Variants in IL1RAPL1 observed in about 807,000 individuals in gnomAD.
The protein encoded by IL1RAPL1 is interleukin-1 receptor accessory protein-like 1.
Under a neutral mutation model 48.4 loss-of-function variants are expected in IL1RAPL1, and 3 were observed. That is an observed-to-expected ratio of 0.06 (90% confidence interval 0.03 to 0.16). The LOEUF (loss-of-function observed/expected upper bound fraction) is 0.16, where lower values mean the gene tolerates loss of function less well. IL1RAPL1 is among the 10% of genes least tolerant of loss of function. The pLI is 1.00. For synonymous variants in IL1RAPL1, 185 were observed against 187.7 expected, an observed-to-expected ratio of 0.99 and a Z score of 0.12; for missense variants, 349 against 530.6, an observed-to-expected ratio of 0.66 and a Z score of 3.36.
chrX:28,630,729 G>T (rs908385875), intron 1 of IL1RAPL1, among the ~76,000 whole-genome samples: 4 of 112,451 alleles, frequency 3.6e-5, no homozygotes, highest in African/African-American at 1.3e-4. Flanking sequence ...GATTTCAGAT[G>T]TATAGGAGGT....
chrX:29,953,584 T>C (rs986777111), intron 9 of IL1RAPL1, among the ~76,000 whole-genome samples: 1 of 111,931 alleles, frequency 8.9e-6, no homozygotes, highest in Admixed American at 9.5e-5. Flanking sequence ...CTGATTAGCA[T>C]GATGAAAAAT....
intron 2 of IL1RAPL1, among the ~76,000 whole-genome samples, chrX:28,846,465 T>C (rs1334561292): frequency 9.0e-6 from 1 of 111,705 alleles, no homozygotes; most frequent in Non-Finnish European, 1.9e-5. Context: ...CTGAGTCATA[T>C]GGTAAGAGCA....
At chrX:29,802,871 A>G (rs867308594) in intron 6 of IL1RAPL1, among the ~76,000 whole-genome samples, 21 of 86,479 alleles carry the variant, frequency 2.4e-4, no homozygotes, top group African/African-American at 9.1e-4. Context: ...GTACATATGT[A>G]TACATATATG....
At chrX:29,176,437 T>G (rs1395238928) in intron 2 of IL1RAPL1, among the ~76,000 whole-genome samples, 2 of 109,301 alleles carry the variant, frequency 1.8e-5, no homozygotes, top group African/African-American at 6.7e-5. Flanking sequence ...GAACCACACT[T>G]TGAGAACCCT....
Position 29,333,671 on chromosome X carries a change from C to A in IL1RAPL1, c.362+50454C>A, listed in dbSNP as rs1302658527. Among the ~76,000 whole-genome samples the A allele has an allele frequency of 6.2e-5, 5 of 80,642 alleles. No homozygotes were observed. The East Asian group carries it at 1.9e-3, about 31-fold the overall frequency. The allele number at this position is 80,642 out of a possible 115,157, so 70.0% of individuals were successfully genotyped here. A position where few individuals can be genotyped will look rare whatever the true frequency, so the allele number is the denominator to read the frequency against. ...GTAGGGGCGGCCGGGCAGAGGCGCCCCTCACCTCCCGGACTGGGTGGCTGG... is the reference window on the plus strand; with the variant it reads ...GTAGGGGCGGCCGGGCAGAGGCGCCACTCACCTCCCGGACTGGGTGGCTGG... On this transcript the variant is annotated intron_variant, in intron 3 of 10. Transcript: ENST00000378993.
chrX:28,873,618 G>A (rs1159985780), intron 2 of IL1RAPL1, among the ~76,000 whole-genome samples: 1 of 95,810 alleles, frequency 1.0e-5, no homozygotes, highest in East Asian at 3.4e-4. Flanking sequence ...TGCAAGTTCC[G>A]CCTCCGGGGT....
At chrX:29,930,468 T>C (rs1438870193) in intron 8 of IL1RAPL1, among the ~76,000 whole-genome samples, 1 of 111,867 alleles carries the variant, frequency 8.9e-6, no homozygotes, top group Non-Finnish European at 1.9e-5. Flanking sequence ...ATCAATTACC[T>C]ATGTTAAGGC....
intron 6 of IL1RAPL1, among the ~76,000 whole-genome samples, chrX:29,702,566 A>C (rs1015437719): frequency 1.8e-5 from 2 of 112,029 alleles, no homozygotes; most frequent in African/African-American, 6.5e-5. Flanking sequence ...GTGACCCATT[A>C]TAAGGTGTAT....
intron 6 of IL1RAPL1, among the ~76,000 whole-genome samples, chrX:29,787,684 C>T (rs1929532146): frequency 8.9e-6 from 1 of 111,756 alleles, no homozygotes; most frequent in South Asian, 3.8e-4. Context: ...CGTTTCTTTA[C>T]CATTAAGACC....
intron 1 of IL1RAPL1, among the ~76,000 whole-genome samples, chrX:28,685,621 A>G (rs933402605): frequency 2.7e-5 from 3 of 112,010 alleles, no homozygotes; most frequent in South Asian, 3.7e-4. Context: ...TTAATCTGAT[A>G]GTATAAGGTT....
intron 2 of IL1RAPL1, among the ~76,000 whole-genome samples, chrX:29,074,664 A>C (rs938973995): frequency 8.9e-6 from 1 of 112,132 alleles, no homozygotes; most frequent in African/African-American, 3.2e-5. Context: ...ACAATACTGT[A>C]ATTTAATTAC....
At chrX:29,722,127 T>A (rs1046783502) in intron 6 of IL1RAPL1, among the ~76,000 whole-genome samples, 8 of 111,785 alleles carry the variant, frequency 7.2e-5, no homozygotes, top group African/African-American at 2.6e-4. Flanking sequence ...CATAGTGAAA[T>A]GATCACTATA....
At chrX:29,254,125 A>G (rs1431470732) in intron 2 of IL1RAPL1, among the ~76,000 whole-genome samples, 3 of 111,093 alleles carry the variant, frequency 2.7e-5, no homozygotes, top group Non-Finnish European at 5.7e-5. Context: ...AGGGTTTGTT[A>G]TGAGCCCAGA....
intron 2 of IL1RAPL1, among the ~76,000 whole-genome samples, chrX:28,893,832 T>C (rs1922835970): frequency 9.0e-6 from 1 of 111,531 alleles, no homozygotes; most frequent in East Asian, 2.9e-4. Context: ...GAAGGAGATA[T>C]TTTCCTTGGT....
At chrX:29,917,863 C>A (rs1299644688) in intron 7 of IL1RAPL1, among the ~76,000 whole-genome samples, 1 of 108,287 alleles carries the variant, frequency 9.2e-6, no homozygotes, top group African/African-American at 3.4e-5. Flanking sequence ...TGGCTCTCGC[C>A]TGTAATCCCA....
At chrX:29,269,903 A>G (rs965591052) in intron 2 of IL1RAPL1, among the ~76,000 whole-genome samples, 3 of 111,145 alleles carry the variant, frequency 2.7e-5, no homozygotes, top group Admixed American at 9.6e-5. Context: ...AAGTTTCCTC[A>G]TGGCCTTTTG....
intron 2 of IL1RAPL1, among the ~76,000 whole-genome samples, chrX:28,987,094 C>T (rs981691830): frequency 1.9e-4 from 21 of 112,281 alleles, no homozygotes; most frequent in African/African-American, 6.8e-4. Context: ...TGCCTATGAT[C>T]GGTGCCTCCT....
At chrX:28,969,908 CAT>C (rs1448925666) in intron 2 of IL1RAPL1, among the ~76,000 whole-genome samples, 5 of 106,575 alleles carry the variant, frequency 4.7e-5, no homozygotes, top group Non-Finnish European at 5.9e-5. Flanking sequence ...TCTAAACACA[CAT>C]ATATATGTTT....
At chrX:28,713,351 C>T (rs899577772) in intron 1 of IL1RAPL1, among the ~76,000 whole-genome samples, 8 of 111,209 alleles carry the variant, frequency 7.2e-5, no homozygotes, top group African/African-American at 9.8e-5. Flanking sequence ...CCACCATGCC[C>T]GGCCTATATC....
Sources: allele counts gnomAD v4.1 joint callset (sites outside exome capture counted in the v4.1 genomes callset), GRCh38; gene constraint gnomAD v4.1.1; transcripts MANE v1.5; gene names NCBI Gene and HGNC (gene_info 2026-07-23, HGNC 2026-07-21).